The following FBXL14 variants were observed in gnomAD, a reference collection of about 807,000 sequenced individuals.
FBXL14 encodes the protein F-box and leucine rich repeat protein 14.
A neutral mutation model predicts 24.5 loss-of-function variants in FBXL14; 11 were observed. The observed-to-expected ratio is 0.45, with a 90% confidence interval of 0.28 to 0.74. FBXL14 has a LOEUF of 0.74. FBXL14 is among the 30% of genes least tolerant of loss of function. The pLI is 0.12. For missense variants in FBXL14, 384 were observed against 545.6 expected, an observed-to-expected ratio of 0.70 and a Z score of 2.95; for synonymous variants, 294 against 240.4, an observed-to-expected ratio of 1.22 and a Z score of -2.06.
intron 1 of FBXL14, among the ~76,000 whole-genome samples, chr12:1,575,478 C>T (rs1350446953): frequency 2.0e-5 from 3 of 152,196 alleles, no homozygotes; most frequent in East Asian, 3.8e-4. Flanking sequence ...CAGACACTGA[C>T]ACTGTGCCGT....
intron 1 of FBXL14, chr12:1,574,571 C>T: frequency 4.1e-6 from 1 of 241,794 alleles, no homozygotes; most frequent in South Asian, 4.0e-5. Context: ...ACAAGGATAG[C>T]AACTGAGTGC....
At position 1,592,954 on chromosome 12, in the gene FBXL14, C is replaced by G; in HGVS notation, c.1113G>C (p.Lys371Asn). 3 of 1,613,192 alleles carry G rather than the reference C, an allele frequency of 1.9e-6. No homozygotes were observed. The highest frequency in any genetic ancestry group is 2.5e-6 in the Non-Finnish European group (3 of 1,179,678). The change falls in exon 1 of 2, where the codon AAG (lysine) becomes AAC (asparagine). Residue 371 changes from lysine (K) to asparagine (N), a missense_variant. Physicochemically the swap from Lys to Asn is moderately conservative, Grantham distance 94 (BLOSUM62 0). Coordinates refer to ENST00000339235, the MANE Select transcript of FBXL14 (RefSeq NM_152441.3). ...GCTGCGTGATGCGCTCCAGGCCGCG[C>G]TTGGTGATTCGGGTGCAGCCGTACA... is the stretch of plus-strand genomic sequence containing the variant. The part of the protein sequence containing the change: ...IDLYGCTRIT[K>N]RGLERITQLP...
intron 1 of FBXL14, among the ~76,000 whole-genome samples, chr12:1,576,361 T>C (rs2094455899): frequency 6.6e-6 from 1 of 152,020 alleles, no homozygotes. Flanking sequence ...CATATTTCTG[T>C]ACCAGTAAAA....
At chr12:1,573,094 A>G (rs2094448238) in intron 1 of FBXL14, among the ~76,000 whole-genome samples, 1 of 152,062 alleles carries the variant, frequency 6.6e-6, no homozygotes, top group Admixed American at 6.5e-5. Flanking sequence ...CTAGTAAGAG[A>G]TGTCTAATAG....
At chr12:1,580,287 A>G (rs2094463692) in intron 1 of FBXL14, among the ~76,000 whole-genome samples, 1 of 152,190 alleles carries the variant, frequency 6.6e-6, no homozygotes, top group South Asian at 2.1e-4. Context: ...TTAGAGGTTA[A>G]TGAATGGGTG....
In FBXL14 at chr12:1,579,499, C is replaced by T. The variant is rs951751571; in HGVS notation, c.1195-12689G>A. 8.6e-5 allele frequency among the ~76,000 whole-genome samples: 13 copies of T among 151,480 alleles called. No individual in the cohort carries two copies. Among genetic ancestry groups the T allele is most frequent in the Non-Finnish European group, 1.9e-4 (13 of 67,924 alleles). ...GGCATGATGGCGCACACCTGTAATC[C>T]CAGCTACTCGAGAGGCTGAGGTGGG... On this transcript the variant is annotated intron_variant, in intron 1 of 1. Transcript: ENST00000339235. The surrounding 1 kb of genome is among the most constrained non-coding windows in gnomAD (Gnocchi z 4.3).
Position 1,594,218 on chromosome 12 carries a change from G to C in FBXL14, c.-152C>G, listed in dbSNP as rs2094496923. ...ACGGCCGGCCCCTCCCCGCCTTCCG[G>C]CTCCGGCCGCCGCCGCCGCTCCTCC... On this transcript the variant is annotated 5_prime_UTR_variant, in exon 1 of 2. Coordinates refer to ENST00000339235, the MANE Select transcript of FBXL14 (RefSeq NM_152441.3). 3.0e-6 allele frequency: 1 copy of C among 338,134 alleles called. No homozygotes were observed. The highest frequency in any genetic ancestry group is 4.3e-6 in the Non-Finnish European group (1 of 230,546). The allele number at this position is 338,134 out of a possible 1,614,324, so 20.9% of individuals were successfully genotyped here.
Position 1,593,750 on chromosome 12 carries a change from T to C in FBXL14, c.317A>G (p.Asn106Ser). 1 of 1,614,076 alleles carries C rather than the reference T, an allele frequency of 6.2e-7. No individual in the cohort carries two copies. The highest frequency in any genetic ancestry group is 8.5e-7 in the Non-Finnish European group (1 of 1,179,984). The change falls in exon 1 of 2, where the codon AAC becomes AGC. Residue 106 changes from asparagine (N) to serine (S), a missense_variant. Asn to Ser is a conservative substitution (Grantham distance 46, BLOSUM62 1). Transcript: ENST00000339235. The surrounding 1 kb of genome is among the most constrained non-coding windows in gnomAD (Gnocchi z 7.4). ...CTGCACAAACGCGTGGCCCAGCCCG[T>C]TGTCGGTGAGGTTGTAGCAGCCGCT... ...NLSGCYNLTD[N>S]GLGHAFVQEI...
rs549524374 is a variant in FBXL14, at chr12:1,594,248, GGTCC to G, written c.-186_-183del. 467 of 204,270 alleles carry G rather than the reference GGTCC, an allele frequency of 2.3e-3. 10 individuals are homozygous for G. The East Asian group carries it at 0.031, about 14-fold the overall frequency. 12.7% of individuals were successfully genotyped at this position (204,270 alleles called of 1,614,324 possible). ...GGCCGCCGCCGCCGCTCCTCCTCCT[GGTCC>G]GTCCGTCCTTCCTTCCTGCCGGCTG... On this transcript the variant is annotated 5_prime_UTR_variant, in exon 1 of 2. Transcript: ENST00000339235.
At chr12:1,571,616 A>T (rs1429512266) in intron 1 of FBXL14, among the ~76,000 whole-genome samples, 1 of 152,204 alleles carries the variant, frequency 6.6e-6, no homozygotes, top group Non-Finnish European at 1.5e-5. Context: ...TCCAAATCAT[A>T]CATGTTTTTT....
At chr12:1,580,673 G>C (rs1200313384) in intron 1 of FBXL14, among the ~76,000 whole-genome samples, 1 of 152,142 alleles carries the variant, frequency 6.6e-6, no homozygotes, top group Middle Eastern at 3.2e-3. Flanking sequence ...CTGCAGACTT[G>C]TGTATTGTGC....
chr12:1,583,130 AATT>A lies in FBXL14; in HGVS notation c.1194+9740_1194+9742del, dbSNP rs1370230844. 3.1e-3 allele frequency among the ~76,000 whole-genome samples: 467 copies of A among 150,590 alleles called. 2 individuals carry two copies. Among genetic ancestry groups the A allele is most frequent in the African/African-American group, 0.011 (445 of 40,122 alleles). The stretch of plus-strand genomic sequence containing the variant: ...ACTCCTTTTAATAAAAATTAAAAAA[AATT>A]AAAAAAAAGATACTCCTAAAATTTT... On this transcript the variant is annotated intron_variant, in intron 1 of 1. Coordinates refer to ENST00000339235, the MANE Select transcript of FBXL14 (RefSeq NM_152441.3).
rs143417041 is a variant in FBXL14 at position 1,593,020 on chromosome 12, C to T, written c.1047G>A (p.Glu349=). ...QCVRITDKGL[E]LIAEHLSQLT... ...GTTGGCTCAGGTGCTCAGCGATCAG[C>T]TCCAGGCCCTTGTCCGTGATGCGCA... The change falls in exon 1 of 2, where the codon GAG becomes GAA. Residue 349 remains glutamate (E), a synonymous_variant. Transcript: ENST00000339235. This position sits in a 1 kb window ranked among gnomAD's most constrained non-coding sequence, Gnocchi z 7.4. The T allele has an allele frequency of 9.7e-5, 157 of 1,612,300 alleles. No individual in the cohort carries two copies. Among genetic ancestry groups the T allele is most frequent in the Non-Finnish European group, 1.2e-4 (143 of 1,180,042 alleles).
chr12:1,575,371 T>C (rs1004652516), intron 1 of FBXL14, among the ~76,000 whole-genome samples: 1 of 152,230 alleles, frequency 6.6e-6, no homozygotes, highest in Non-Finnish European at 1.5e-5. Context: ...CTATCTGTCT[T>C]ATCTATCGAC....
At chr12:1,576,627 A>G (rs529411113) in intron 1 of FBXL14, among the ~76,000 whole-genome samples, 14 of 152,238 alleles carry the variant, frequency 9.2e-5, no homozygotes, top group South Asian at 8.3e-4. Flanking sequence ...ACGCACTCCC[A>G]TGGGGCCTAT....
rs2094438432 is a variant in FBXL14 at position 1,567,582 on chromosome 12, G to A, written c.1195-772C>T. Reference sequence around the variant, plus strand: ...TTCACAACCAGACTCAGAGACAGCAGGGATGCTGGAATTACCAGGCGGGAA... The same window carrying A: ...TTCACAACCAGACTCAGAGACAGCAAGGATGCTGGAATTACCAGGCGGGAA... On this transcript the variant is annotated intron_variant, in intron 1 of 1. Transcript: ENST00000339235. The surrounding 1 kb of genome is among the most constrained non-coding windows in gnomAD (Gnocchi z 4.8). 6.6e-6 allele frequency among the ~76,000 whole-genome samples: 1 copy of A among 152,186 alleles called. No homozygotes were observed. The highest frequency in any genetic ancestry group is 6.5e-5 in the Admixed American group (1 of 15,276).
At position 1,590,055 on chromosome 12, in the gene FBXL14, T is replaced by C. The variant is rs1217269862; in HGVS notation, c.1194+2818A>G. On this transcript the variant is annotated intron_variant, in intron 1 of 1. Coordinates refer to ENST00000339235, the MANE Select transcript of FBXL14 (RefSeq NM_152441.3). ...GAAGAAAAACAGACTAAGAACCCAC[T>C]GCCGTGTAACCTTCAGGAGTTGTGT... Among the ~76,000 whole-genome samples the C allele has an allele frequency of 7.2e-5, 11 of 152,166 alleles. No homozygotes were observed. In the South Asian group the frequency reaches 2.3e-3, roughly 32 times the overall value.
rs1489634537 is a variant in FBXL14, at chr12:1,569,957, C to T, written c.1195-3147G>A. ...CACTTCTGCCCTCAGGCCCACTGAG[C>T]TCCTTCTGCAAGGAAGCTTTTCAGA... is the stretch of plus-strand genomic sequence containing the variant. On this transcript the variant is annotated intron_variant, in intron 1 of 1. Transcript: ENST00000339235. This position sits in a 1 kb window ranked among gnomAD's most constrained non-coding sequence, Gnocchi z 4.2. 6.6e-6 allele frequency among the ~76,000 whole-genome samples: 1 copy of T among 152,222 alleles called. No homozygotes were observed. Among genetic ancestry groups the T allele is most frequent in the Non-Finnish European group, 1.5e-5 (1 of 68,042 alleles).
chr12:1,575,881 C>T (rs1241487787), intron 1 of FBXL14, among the ~76,000 whole-genome samples: 3 of 152,104 alleles, frequency 2.0e-5, no homozygotes. Flanking sequence ...TGAACTTCCT[C>T]CCTCCGCAGG....
Sources: gnomAD v4.1 joint callset for allele counts (sites outside exome capture counted in the v4.1 genomes callset) on GRCh38, gnomAD v4.1.1 for gene constraint, Gnocchi (gnomAD v3.1) non-coding constraint, MANE v1.5 for transcripts, NCBI Gene and HGNC (gene_info 2026-07-23, HGNC 2026-07-21) for gene names.